ARHGAP15: variants seen among roughly 807,000 people sequenced by gnomAD.
ARHGAP15 encodes the protein rho GTPase-activating protein 15.
A neutral mutation model predicts 63.7 loss-of-function variants in ARHGAP15; 51 were observed. That is an observed-to-expected ratio of 0.80 (90% CI 0.64 to 1.01). The LOEUF (loss-of-function observed/expected upper bound fraction) is 1.01, where lower values mean the gene tolerates loss of function less well. Among genes scored for constraint, ARHGAP15 ranks in the 50% least tolerant of loss-of-function variants. The pLI, the probability that ARHGAP15 is intolerant of heterozygous loss-of-function variation, is 0.00. For synonymous variants in ARHGAP15, 191 were observed against 193.8 expected, an observed-to-expected ratio of 0.99 and a Z score of 0.12; for missense variants, 560 against 564.6, an observed-to-expected ratio of 0.99 and a Z score of 0.08.
At chr2:143,705,219 C>G (rs1422663853) in intron 13 of ARHGAP15, among the ~76,000 whole-genome samples, 1 of 152,110 alleles carries the variant, frequency 6.6e-6, no homozygotes, top group African/African-American at 2.4e-5. Context: ...TCATCATTTT[C>G]TGTCTTATTT....
At chr2:143,364,843 T>TA (rs758377880) in intron 6 of ARHGAP15, among the ~76,000 whole-genome samples, 1 of 151,994 alleles carries the variant, frequency 6.6e-6, no homozygotes, top group Non-Finnish European at 1.5e-5. Context: ...CCCTGTCTCT[T>TA]AAAAATACAA....
chr2:143,673,746 GTGTGTGTGTGTGTATATATATATA>G (rs1203838728), intron 12 of ARHGAP15, among the ~76,000 whole-genome samples: 1 of 29,678 alleles, frequency 3.4e-5, no homozygotes, highest in Non-Finnish European at 1.1e-4. Context: ...GTGTGTGTGT[GTGTGTGTGTGTGTATATATATATA>G]TATATATATA....
intron 8 of ARHGAP15, among the ~76,000 whole-genome samples, chr2:143,458,453 C>T (rs934814845): frequency 1.3e-5 from 2 of 152,106 alleles, no homozygotes; most frequent in Admixed American, 1.3e-4. Flanking sequence ...CTGAGACCTG[C>T]GCAATGACTC....
At chr2:143,642,720 G>C (rs1452348768) in intron 12 of ARHGAP15, among the ~76,000 whole-genome samples, 1 of 152,110 alleles carries the variant, frequency 6.6e-6, no homozygotes, top group Non-Finnish European at 1.5e-5. Context: ...ATGTTCTACA[G>C]AAGGGAGAGA....
intron 8 of ARHGAP15, among the ~76,000 whole-genome samples, chr2:143,468,089 TG>T (rs1386388343): frequency 6.6e-6 from 1 of 152,162 alleles, no homozygotes; most frequent in Non-Finnish European, 1.5e-5. Flanking sequence ...TGTTTGATTG[TG>T]TATTACTTCA....
Position 143,477,494 on chromosome 2 carries a change from T to G in ARHGAP15, c.704-9879T>G, listed in dbSNP as rs566307969. ...TACATATGTATTATACATTAGACAT[T>G]GAGCTGGATGTTTTTCCTATATCAG... On this transcript the variant is annotated intron_variant, in intron 8 of 13. Coordinates refer to ENST00000295095, the MANE Select transcript of ARHGAP15 (RefSeq NM_018460.4). Among the ~76,000 whole-genome samples the G allele has an allele frequency of 2.0e-5, 3 of 152,250 alleles. No homozygotes were observed. The South Asian group carries it at 6.2e-4, about 32-fold the overall frequency.
chr2:143,579,936 T>A (rs1257683051), intron 11 of ARHGAP15, among the ~76,000 whole-genome samples: 1 of 146,660 alleles, frequency 6.8e-6, no homozygotes, highest in East Asian at 2.0e-4. Context: ...TTGTGCAGGT[T>A]AAAAGAACTT....
At chr2:143,562,663 C>T (rs945321420) in intron 11 of ARHGAP15, among the ~76,000 whole-genome samples, 2 of 152,150 alleles carry the variant, frequency 1.3e-5, no homozygotes, top group African/African-American at 2.4e-5. Flanking sequence ...CATAAAAGAG[C>T]CAGACTCTAA....
chr2:143,383,474 A>G (rs978820407), intron 6 of ARHGAP15, among the ~76,000 whole-genome samples: 1 of 152,214 alleles, frequency 6.6e-6, no homozygotes, highest in Non-Finnish European at 1.5e-5. Flanking sequence ...ATTGTTAATA[A>G]TGCTGCTATA....
At chr2:143,470,806 A>G (rs1255300160) in intron 8 of ARHGAP15, among the ~76,000 whole-genome samples, 1 of 150,660 alleles carries the variant, frequency 6.6e-6, no homozygotes, top group Non-Finnish European at 1.5e-5. Flanking sequence ...GCATATATAT[A>G]TATATCCTGC....
chr2:143,419,519 CA>C (rs1365122691), intron 6 of ARHGAP15, among the ~76,000 whole-genome samples: 14 of 151,212 alleles, frequency 9.3e-5, no homozygotes, highest in Admixed American at 4.6e-4. Context: ...ATCTCTATAA[CA>C]AAATGTTAGG....
chr2:143,719,642 C>T (rs1684962678), intron 13 of ARHGAP15, among the ~76,000 whole-genome samples: 1 of 152,206 alleles, frequency 6.6e-6, no homozygotes, highest in Non-Finnish European at 1.5e-5. Context: ...TCCATTCTCT[C>T]TCCTGGTGCC....
At chr2:143,202,469 C>T (rs1023222952) in intron 3 of ARHGAP15, among the ~76,000 whole-genome samples, 1 of 152,048 alleles carries the variant, frequency 6.6e-6, no homozygotes, top group African/African-American at 2.4e-5. Context: ...TCAGTTCTTC[C>T]AGGAATGTTG....
At chr2:143,545,142 G>A (rs1695274443) in intron 10 of ARHGAP15, among the ~76,000 whole-genome samples, 1 of 152,162 alleles carries the variant, frequency 6.6e-6, no homozygotes. Context: ...TTTTGTCTTG[G>A]TGCCTGGAAT....
At chr2:143,647,691 C>T (rs183146662) in intron 12 of ARHGAP15, among the ~76,000 whole-genome samples, 4 of 152,022 alleles carry the variant, frequency 2.6e-5, no homozygotes, top group Admixed American at 2.6e-4. Context: ...CTTATTCTGT[C>T]CGTCAGAGCT....
chr2:143,509,368 G>C (rs961365518), intron 9 of ARHGAP15, among the ~76,000 whole-genome samples: 1 of 151,464 alleles, frequency 6.6e-6, no homozygotes, highest in East Asian at 1.9e-4. Flanking sequence ...GGCAATGAGA[G>C]AGGTTTACTT....
intron 11 of ARHGAP15, among the ~76,000 whole-genome samples, chr2:143,612,460 A>G (rs1698293353): frequency 6.6e-6 from 1 of 152,204 alleles, no homozygotes; most frequent in African/African-American, 2.4e-5. Context: ...TGGTTCTGGG[A>G]CATCCTTCCT....
chr2:143,711,978 G>A (rs917301679), intron 13 of ARHGAP15, among the ~76,000 whole-genome samples: 1 of 152,120 alleles, frequency 6.6e-6, no homozygotes, highest in African/African-American at 2.4e-5. Context: ...ATCACTGAAG[G>A]ATCTCAAGTG....
At chr2:143,347,904 A>C (rs1476584643) in intron 6 of ARHGAP15, among the ~76,000 whole-genome samples, 3 of 150,878 alleles carry the variant, frequency 2.0e-5, no homozygotes, top group Admixed American at 6.6e-5. Flanking sequence ...TTAGAATTTG[A>C]TTTTCCTCAC....
Sources: gnomAD v4.1 joint callset for allele counts (sites outside exome capture counted in the v4.1 genomes callset) on GRCh38, gnomAD v4.1.1 for gene constraint, MANE v1.5 for transcripts, NCBI Gene and HGNC (gene_info 2026-07-23, HGNC 2026-07-21) for gene names.